Variants in SORCS1 observed in about 807,000 individuals in gnomAD.
SORCS1 encodes sortilin related VPS10 domain containing receptor 1.
A neutral mutation model predicts 146.1 loss-of-function variants in SORCS1; 60 were observed. The observed-to-expected ratio is 0.41, with a 90% CI of 0.33 to 0.51. The LOEUF is 0.51. SORCS1 is among the 20% of genes least tolerant of loss of function. SORCS1 has a pLI of 0.21. For synonymous variants in SORCS1, 637 were observed against 584.0 expected (o/e 1.09, Z -1.31); for missense variants, 1,352 against 1,487.6 (o/e 0.91, Z 1.50).
chr10:106,622,677 C>A (rs980613865), intron 19 of SORCS1, among the ~76,000 whole-genome samples: 4 of 152,116 alleles, frequency 2.6e-5, no homozygotes, highest in Non-Finnish European at 5.9e-5. Flanking sequence ...ATTTACTGAG[C>A]GATGACTACA....
At chr10:106,728,310 A>C (rs536874061) in intron 6 of SORCS1, among the ~76,000 whole-genome samples, 29 of 41,950 alleles carry the variant, frequency 6.9e-4, no homozygotes, top group African/African-American at 1.2e-3. Context: ...TTAAGAAAAT[A>C]TTGATCTGTT....
At chr10:107,121,862 G>T (rs1966432556) in intron 1 of SORCS1, among the ~76,000 whole-genome samples, 1 of 152,108 alleles carries the variant, frequency 6.6e-6, no homozygotes, top group Non-Finnish European at 1.5e-5. Flanking sequence ...GGGGAGAGGG[G>T]CTATCAAAGG....
chr10:107,102,865 G>C (rs935633373), intron 1 of SORCS1, among the ~76,000 whole-genome samples: 2 of 152,084 alleles, frequency 1.3e-5, no homozygotes, highest in Admixed American at 1.3e-4. Context: ...TACAATCCCT[G>C]TCCACAATAT....
chr10:106,683,252 C>A (rs557110484), intron 10 of SORCS1, among the ~76,000 whole-genome samples: 1 of 152,296 alleles, frequency 6.6e-6, no homozygotes, highest in East Asian at 1.9e-4. Flanking sequence ...TTTAACTGAT[C>A]CATTATTATT....
Position 106,761,612 on chromosome 10 carries a change from C to A in SORCS1, c.935G>T (p.Gly312Val). The A allele has an allele frequency of 6.2e-7, 1 of 1,614,118 alleles. No homozygotes were observed. The highest frequency in any genetic ancestry group is 1.1e-5 in the South Asian group (1 of 91,080). ...FGRRWQLIQE[G>V]VVPNRFYWSV... ...CCAGTAGAACCTGTTTGGTACAACC[C>A]CTTCTTGGATAAGCTGCCATCTTCT... is the stretch of plus-strand genomic sequence containing the variant. The change falls in exon 5 of 26, where the codon GGG (glycine) becomes GTG (valine). Residue 312 changes from glycine to valine, a missense_variant. Transcript: ENST00000263054.
At chr10:107,090,818 C>G (rs548490148) in intron 1 of SORCS1, among the ~76,000 whole-genome samples, 1 of 152,100 alleles carries the variant, frequency 6.6e-6, no homozygotes, top group Non-Finnish European at 1.5e-5. Context: ...GATGTAGAAC[C>G]CAAGTTATTC....
At chr10:107,056,261 T>A (rs906246956) in intron 1 of SORCS1, among the ~76,000 whole-genome samples, 2 of 152,180 alleles carry the variant, frequency 1.3e-5, no homozygotes, top group Non-Finnish European at 2.9e-5. Context: ...AGGGCAGGAC[T>A]CTAGAGATTC....
intron 18 of SORCS1, among the ~76,000 whole-genome samples, chr10:106,638,996 T>C (rs935605549): frequency 4.6e-5 from 7 of 152,218 alleles, no homozygotes; most frequent in Non-Finnish European, 7.3e-5. Flanking sequence ...TACATATATA[T>C]ATTCTAACGT....
At chr10:106,723,146 C>T (rs553175297) in intron 6 of SORCS1, among the ~76,000 whole-genome samples, 1 of 152,042 alleles carries the variant, frequency 6.6e-6, no homozygotes, top group Non-Finnish European at 1.5e-5. Flanking sequence ...CATGGTGAGA[C>T]CTTATCTCTA....
At chr10:106,897,414 AG>A (rs1238689669) in intron 2 of SORCS1, among the ~76,000 whole-genome samples, 3 of 152,198 alleles carry the variant, frequency 2.0e-5, no homozygotes, top group Non-Finnish European at 4.4e-5. Context: ...GTTGCCTTTT[AG>A]GATCCTCTAT....
chr10:106,715,609 T>G (rs1256040053), intron 6 of SORCS1, among the ~76,000 whole-genome samples: 1 of 152,226 alleles, frequency 6.6e-6, no homozygotes, highest in Non-Finnish European at 1.5e-5. Flanking sequence ...TGAAATGTGT[T>G]GAGTCTAGCG....
rs370004055 is a variant in SORCS1, at chr10:106,612,016, G to T, written c.2928C>A (p.Phe976Leu). The T allele has an allele frequency of 3.7e-5, 59 of 1,613,378 alleles. No individual in the cohort carries two copies. Among genetic ancestry groups the T allele is most frequent in the Non-Finnish European group, 4.7e-5 (56 of 1,179,440 alleles). ...DTKTIAVYEEFRSLRLSFSPN... is the reference protein window; with the variant it reads ...DTKTIAVYEELRSLRLSFSPN... The stretch of plus-strand genomic sequence containing the variant: ...GAGAAAAGGACAAGCGAAGAGACCG[G>T]AATTCCTCTGGGGATATAACAGTAG... Residue 976 changes from phenylalanine (F) to leucine (L), a missense_variant, in exon 22 of 26, where the codon TTC becomes TTA. Coordinates refer to ENST00000263054, the MANE Select transcript of SORCS1 (RefSeq NM_052918.5).
intron 1 of SORCS1, among the ~76,000 whole-genome samples, chr10:106,976,335 T>TTTTTTTTG (rs1564877933): frequency 1.6e-5 from 2 of 122,110 alleles, no homozygotes; most frequent in Non-Finnish European, 3.2e-5. Context: ...GTTTTTTTGT[T>TTTTTTTTG]TTTTTTTTTT....
chr10:107,058,290 C>T lies in SORCS1; in HGVS notation c.559-101710G>A, dbSNP rs542396179. Among the ~76,000 whole-genome samples the T allele has an allele frequency of 2.9e-4, 44 of 152,240 alleles. 1 individual carries two copies. The South Asian group carries it at 9.1e-3, about 32-fold the overall frequency. On this transcript the variant is annotated intron_variant, in intron 1 of 25. Coordinates refer to ENST00000263054, the MANE Select transcript of SORCS1 (RefSeq NM_052918.5). ...TCTCCCGACCTCGTGATCCGCCTGC[C>T]TCGGCCTCCCAAAGTGCTGGGATTA...
chr10:107,090,393 T>A (rs1318657029), intron 1 of SORCS1, among the ~76,000 whole-genome samples: 1 of 152,198 alleles, frequency 6.6e-6, no homozygotes, highest in African/African-American at 2.4e-5. Context: ...TTGAGCATTG[T>A]CCCTGTAGAA....
chr10:106,616,314 G>GA (rs924865464), intron 21 of SORCS1, among the ~76,000 whole-genome samples: 12 of 150,924 alleles, frequency 8.0e-5, no homozygotes, highest in South Asian at 4.2e-4. Flanking sequence ...GGAGAGAAAG[G>GA]AAAAAAAAAT....
At chr10:107,010,169 T>C (rs757148273) in intron 1 of SORCS1, among the ~76,000 whole-genome samples, 8 of 152,240 alleles carry the variant, frequency 5.3e-5, no homozygotes, top group Non-Finnish European at 1.2e-4. Flanking sequence ...TTTGAAGCCA[T>C]GGAGTTTGTA....
At chr10:106,801,223 T>A (rs1478977352) in intron 3 of SORCS1, among the ~76,000 whole-genome samples, 1 of 152,156 alleles carries the variant, frequency 6.6e-6, no homozygotes, top group Admixed American at 6.5e-5. Context: ...CTATTCATAA[T>A]TTTAAGGAAA....
chr10:106,805,150 C>T (rs1304709537), intron 3 of SORCS1, among the ~76,000 whole-genome samples: 1 of 152,172 alleles, frequency 6.6e-6, no homozygotes, highest in African/African-American at 2.4e-5. Flanking sequence ...AGTTCATTCA[C>T]TGTAATCACT....
Sources: gnomAD v4.1 joint callset for allele counts (sites outside exome capture counted in the v4.1 genomes callset) on GRCh38, gnomAD v4.1.1 for gene constraint, MANE v1.5 for transcripts, NCBI Gene and HGNC (gene_info 2026-07-23, HGNC 2026-07-21) for gene names.